HAPLN2: variants seen among roughly 807,000 people sequenced by gnomAD.
HAPLN2 encodes brain link protein-1.
HAPLN2 carries 27 observed loss-of-function variants against 29.3 expected under a neutral mutation model. The observed-to-expected ratio is 0.92, with a 90% CI of 0.68 to 1.27. The LOEUF (loss-of-function observed/expected upper bound fraction) is 1.27, where lower values mean the gene tolerates loss of function less well. Ranked by LOEUF, HAPLN2 falls within the 50% of genes most tolerant of loss-of-function variation. The pLI, the probability that HAPLN2 is intolerant of heterozygous loss-of-function variation, is 0.00. For synonymous variants in HAPLN2, 208 were observed against 211.7 expected, an observed-to-expected ratio of 0.98 and a Z score of 0.15; for missense variants, 454 against 484.3, an observed-to-expected ratio of 0.94 and a Z score of 0.59.
In HAPLN2 at chr1:156,625,541, G is replaced by A; in HGVS notation, c.*157G>A. ...CCGGGGGCTGCGGGCCTCGGACCCC[G>A]GCTGGCCCGGCGGCGGGGAGGGGAG... On this transcript the variant is annotated 3_prime_UTR_variant, in exon 7 of 7. Transcript: ENST00000255039. The surrounding 1 kb of genome is among the most constrained non-coding windows in gnomAD (Gnocchi z 5.7). 2 of 729,454 alleles carry A rather than the reference G, an allele frequency of 2.7e-6. No individual in the cohort carries two copies. The highest frequency in any genetic ancestry group is 2.0e-6 in the Non-Finnish European group (1 of 496,654). 45.2% of individuals were successfully genotyped at this position (729,454 alleles called of 1,614,324 possible).
intron 2 of HAPLN2, 21 bp from the exon 3 acceptor site, chr1:156,623,446 C>A (rs1254994458): frequency 1.2e-6 from 2 of 1,605,072 alleles, no homozygotes; most frequent in Admixed American, 1.7e-5. Flanking sequence ...CTAAGAACTG[C>A]CCACTCTTTG....
chr1:156,604,348 A>G, the HAPLN2 span, among the ~76,000 whole-genome samples: 1 of 149,134 alleles, frequency 6.7e-6, no homozygotes, highest in Non-Finnish European at 1.5e-5. Flanking sequence ...GCTGGAGTGC[A>G]GTGGCACGAT....
chr1:156,616,538 T>C (rs550067176), upstream of HAPLN2, among the ~76,000 whole-genome samples: 4 of 152,216 alleles, frequency 2.6e-5, no homozygotes, highest in East Asian at 3.9e-4. Context: ...AACAGTAAAT[T>C]TGTGGAGAAA....
rs1678403870 is a variant in HAPLN2, at chr1:156,625,113, T to G, written c.752T>G (p.Phe251Cys). ...FTSALAGQVF[F>C]VPGRLTLSEA... is the part of the protein sequence containing the mutation. Reference sequence around the variant, plus strand: ...CTGTGGTCCCCAGGCCAAGTGTTCTTCGTGCCCGGGCGGCTGACGCTGTCT... The same window carrying G: ...CTGTGGTCCCCAGGCCAAGTGTTCTGCGTGCCCGGGCGGCTGACGCTGTCT... The change falls in exon 7 of 7, where the codon TTC becomes TGC. Residue 251 changes from phenylalanine (F) to cysteine (C), a missense_variant. By Grantham distance (205) the Phe-to-Cys change is radical. Transcript: ENST00000255039. This position sits in a 1 kb window ranked among gnomAD's most constrained non-coding sequence, Gnocchi z 5.7. 6.5e-7 allele frequency: 1 copy of G among 1,538,552 alleles called. No homozygotes were observed.
chr1:156,609,504 T>C, the HAPLN2 span, among the ~76,000 whole-genome samples: 1 of 152,180 alleles, frequency 6.6e-6, no homozygotes, highest in African/African-American at 2.4e-5. Flanking sequence ...AAAAAATTAA[T>C]CCAAGTAGTC....
At chr1:156,606,081 C>T in the HAPLN2 span, among the ~76,000 whole-genome samples, 38 of 152,100 alleles carry the variant, frequency 2.5e-4, no homozygotes, top group African/African-American at 8.2e-4. Flanking sequence ...GTCAGGAGTT[C>T]GAGACCAGCC....
chr1:156,601,539 C>G, the HAPLN2 span: 1 of 1,412,754 alleles, frequency 7.1e-7, no homozygotes, highest in East Asian at 2.5e-5. Flanking sequence ...ACCAAAATCA[C>G]GGTTTTTCCA....
chr1:156,625,489 G>T lies in HAPLN2; in HGVS notation c.*105G>T. The T allele has an allele frequency of 2.4e-6, 3 of 1,253,760 alleles. No homozygotes were observed. In the East Asian group the frequency reaches 8.3e-5, roughly 35 times the overall value. The allele number at this position is 1,253,760 out of a possible 1,614,324, so 77.7% of individuals were successfully genotyped here. A position where few individuals can be genotyped will look rare whatever the true frequency, so the allele number is the denominator to read the frequency against. ...AGCCTCCCCTCCCTCCAGACCCGGA[G>T]CGGCCTCTCCAGACCTGCCTTCCCA... On this transcript the variant is annotated 3_prime_UTR_variant, in exon 7 of 7. Coordinates refer to ENST00000255039, the MANE Select transcript of HAPLN2 (RefSeq NM_021817.3). The surrounding 1 kb of genome is among the most constrained non-coding windows in gnomAD (Gnocchi z 5.7).
chr1:156,606,843 A>C, the HAPLN2 span, among the ~76,000 whole-genome samples: 12 of 151,928 alleles, frequency 7.9e-5, no homozygotes, highest in African/African-American at 2.9e-4. Flanking sequence ...CTCATCCTTC[A>C]CCATCCATCA....
At chr1:156,623,639 G>A (rs1678330688) in intron 3 of HAPLN2, 64 bp downstream of exon 3, 1 of 1,600,434 alleles carries the variant, frequency 6.2e-7, no homozygotes, top group Non-Finnish European at 8.5e-7. Flanking sequence ...GTGGGGAAAG[G>A]GGAAAGGGCA....
rs1474320744 is a variant in HAPLN2, at chr1:156,623,888, C to T, written c.167C>T (p.Pro56Leu). 6.9e-6 allele frequency: 11 copies of T among 1,588,078 alleles called. No individual in the cohort carries two copies. The highest frequency in any genetic ancestry group is 1.2e-5 in the South Asian group (1 of 86,332). ...HSHRGATATL[P>L]CVLGTTPPSY... ...CATCGTGGGGCCACGGCCACGCTGC[C>T]CTGCGTCCTGGGCACCACGCCTCCC... Residue 56 changes from proline (P) to leucine (L), a missense_variant, in exon 4 of 7, where the codon CCC (proline) becomes CTC (leucine). Pro to Leu is a moderately conservative substitution (Grantham distance 98). Coordinates refer to ENST00000255039, the MANE Select transcript of HAPLN2 (RefSeq NM_021817.3).
rs777803427 is a variant in HAPLN2 at position 156,624,021 on chromosome 1, C to T, written c.300C>T (p.Arg100=). Residue 100 remains arginine, a synonymous_variant, in exon 4 of 7, where the codon CGC becomes CGT. Coordinates refer to ENST00000255039, the MANE Select transcript of HAPLN2 (RefSeq NM_021817.3). ...GGGGGTATGGGCCCCTGGGAGGGCG[C>T]GCCAGGATGCGGAGGGGGCATCGAC... ...HARGYGPLGG[R]ARMRRGHRLD... 5 of 1,611,418 alleles carry T rather than the reference C, an allele frequency of 3.1e-6. No individual in the cohort carries two copies.
At chr1:156,617,061 G>T (rs147894716), upstream of HAPLN2, among the ~76,000 whole-genome samples, 34 of 151,286 alleles carry the variant, frequency 2.2e-4, 1 homozygote, top group East Asian at 6.5e-3. Flanking sequence ...CTGCACTCCA[G>T]CCTGGGTGAC....
chr1:156,613,815 G>T, the HAPLN2 span, among the ~76,000 whole-genome samples: 20 of 151,124 alleles, frequency 1.3e-4, no homozygotes, highest in East Asian at 2.5e-3. Flanking sequence ...TACTTGGGAG[G>T]CTGAGACAGG....
Position 156,624,077 on chromosome 1 carries a change from G to A in HAPLN2, c.356G>A (p.Arg119His). The A allele has an allele frequency of 6.2e-7, 1 of 1,613,614 alleles. No individual in the cohort carries two copies. The highest frequency in any genetic ancestry group is 8.5e-7 in the Non-Finnish European group (1 of 1,179,904). ...LDASLVIAGV[R>H]LEDEGRYRCE... ...GCCTCCCTGGTCATCGCGGGCGTGC[G>A]CCTGGAGGACGAGGGCCGGTACCGC... Residue 119 changes from arginine (R) to histidine (H), a missense_variant, in exon 4 of 7, where the codon CGC (arginine) becomes CAC (histidine). By Grantham distance (29) the Arg-to-His change is conservative. This residue lies in a region of HAPLN2 where 204 missense variants were observed against 209.2 expected (regional missense o/e 0.98). Coordinates refer to ENST00000255039, the MANE Select transcript of HAPLN2 (RefSeq NM_021817.3).
the HAPLN2 span, among the ~76,000 whole-genome samples, chr1:156,603,531 A>G: frequency 6.6e-6 from 1 of 151,940 alleles, no homozygotes; most frequent in Non-Finnish European, 1.5e-5. Context: ...ATGTATGTAC[A>G]TATACATATA....
At chr1:156,615,482 G>A (rs1461629405), upstream of HAPLN2, among the ~76,000 whole-genome samples, 2 of 151,834 alleles carry the variant, frequency 1.3e-5, no homozygotes, top group Non-Finnish European at 2.9e-5. Context: ...CTTGAACCCA[G>A]AAGTTTGAGG....
At chr1:156,614,587 A>T (rs1678017925), upstream of HAPLN2, among the ~76,000 whole-genome samples, 1 of 120,120 alleles carries the variant, frequency 8.3e-6, no homozygotes, top group East Asian at 2.5e-4. Flanking sequence ...TGTAGATCTT[A>T]CTTCTGGGTT....
At chr1:156,617,239 T>C (rs1430691925), upstream of HAPLN2, among the ~76,000 whole-genome samples, 2 of 152,052 alleles carry the variant, frequency 1.3e-5, no homozygotes, top group Non-Finnish European at 2.9e-5. Context: ...ACTTCTAGGC[T>C]TGACTCAATG....
Sources: allele counts gnomAD v4.1 joint callset (sites outside exome capture counted in the v4.1 genomes callset), GRCh38; gene constraint gnomAD v4.1.1; regional missense constraint gnomAD v4.1.1; non-coding constraint Gnocchi (gnomAD v3.1); transcripts MANE v1.5; gene names NCBI Gene and HGNC (gene_info 2026-07-23, HGNC 2026-07-21).